SLC30A8: variants seen among roughly 807,000 people sequenced by gnomAD.
SLC30A8 encodes solute carrier family 30 member 8, also known as proton-coupled zinc antiporter SLC30A8.
A neutral mutation model predicts 36.9 loss-of-function variants in SLC30A8; 27 were observed. That is an observed-to-expected ratio of 0.73 (90% CI 0.54 to 1.01). The LOEUF is 1.01. SLC30A8 is among the 50% of genes least tolerant of loss of function. The pLI, the probability that SLC30A8 is intolerant of heterozygous loss-of-function variation, is 0.00. For synonymous variants in SLC30A8, 164 were observed against 172.4 expected (o/e 0.95, Z 0.38); for missense variants, 439 against 452.0 (o/e 0.97, Z 0.26).
At chr8:116,964,577 G>T (rs1814536322) in intron 1 of SLC30A8, among the ~76,000 whole-genome samples, 1 of 152,176 alleles carries the variant, frequency 6.6e-6, no homozygotes, top group Non-Finnish European at 1.5e-5. Context: ...CATCCTGGAT[G>T]GGAAGCTTTC....
chr8:117,078,485 T>A (rs923544996), intron 2 of SLC30A8, among the ~76,000 whole-genome samples: 2 of 152,248 alleles, frequency 1.3e-5, no homozygotes, highest in African/African-American at 4.8e-5. Context: ...TTTCTTTTTT[T>A]CCCCCATGTT....
At chr8:116,999,183 C>G (rs981609870) in intron 1 of SLC30A8, among the ~76,000 whole-genome samples, 3 of 152,166 alleles carry the variant, frequency 2.0e-5, no homozygotes, top group Non-Finnish European at 4.4e-5. Context: ...TGCTTGAATC[C>G]AGGAGGCAGA....
intron 3 of SLC30A8, among the ~76,000 whole-genome samples, chr8:117,155,229 T>G (rs1433835406): frequency 6.6e-6 from 1 of 152,244 alleles, no homozygotes; most frequent in East Asian, 1.9e-4. Flanking sequence ...TGTCTTAAGA[T>G]CTGACTCCTG....
At chr8:117,090,934 T>G (rs1280752926) in intron 2 of SLC30A8, among the ~76,000 whole-genome samples, 1 of 152,228 alleles carries the variant, frequency 6.6e-6, no homozygotes, top group Non-Finnish European at 1.5e-5. Context: ...AACACCCAGT[T>G]CAGTACCTGA....
chr8:117,081,867 CACA>C, intron 2 of SLC30A8, among the ~76,000 whole-genome samples: 1 of 152,306 alleles, frequency 6.6e-6, no homozygotes, highest in Non-Finnish European at 1.5e-5. Context: ...ATTGCCGATT[CACA>C]ACAATGGGTT....
At chr8:116,967,282 AGAGAG>A (rs1563726384) in intron 1 of SLC30A8, among the ~76,000 whole-genome samples, 1 of 152,254 alleles carries the variant, frequency 6.6e-6, no homozygotes, top group African/African-American at 2.4e-5. Context: ...ATGGAAGAGA[AGAGAG>A]GAGATAATAA....
chr8:117,160,447 G>T (rs2129651179), intron 4 of SLC30A8, among the ~76,000 whole-genome samples: 1 of 116,930 alleles, frequency 8.6e-6, no homozygotes, highest in Middle Eastern at 4.0e-3. Flanking sequence ...GCGCACATGT[G>T]CGCGCGGTGG....
At chr8:117,041,503 C>G (rs1359504354) in intron 2 of SLC30A8, among the ~76,000 whole-genome samples, 2 of 152,046 alleles carry the variant, frequency 1.3e-5, no homozygotes, top group Non-Finnish European at 2.9e-5. Flanking sequence ...GGCTGCTTAA[C>G]AGAGTGAAAC....
intron 1 of SLC30A8, among the ~76,000 whole-genome samples, chr8:116,957,151 C>T (rs1814239588): frequency 6.6e-6 from 1 of 152,154 alleles, no homozygotes; most frequent in Admixed American, 6.5e-5. Flanking sequence ...TCCTTCAACT[C>T]ATGGGAGTAG....
At chr8:117,088,075 GGA>G (rs1554582067) in intron 2 of SLC30A8, among the ~76,000 whole-genome samples, 2 of 151,828 alleles carry the variant, frequency 1.3e-5, no homozygotes, top group East Asian at 3.9e-4. Context: ...GACAAGGGAA[GGA>G]GAGAGAGAGA....
In SLC30A8 at chr8:117,011,327, G is replaced by A. The variant is rs114147676; in HGVS notation, c.-265-27892G>A. Reference sequence around the variant, plus strand: ...CTTGTAATCAGGAGTCTTGACCAACGTTTCATTTTTCAGGTTGTGTCCTCT... The same window carrying A: ...CTTGTAATCAGGAGTCTTGACCAACATTTCATTTTTCAGGTTGTGTCCTCT... On this transcript the variant is annotated intron_variant, in intron 1 of 10. Coordinates refer to the SLC30A8 transcript ENST00000427715. Among the ~76,000 whole-genome samples, 886 of 152,196 alleles carry A rather than the reference G, an allele frequency of 5.8e-3. 7 individuals are homozygous for A. The highest frequency in any genetic ancestry group is 0.02 in the African/African-American group (840 of 41,532).
intron 1 of SLC30A8, among the ~76,000 whole-genome samples, chr8:116,956,568 G>A (rs1814211809): frequency 6.6e-6 from 1 of 151,990 alleles, no homozygotes; most frequent in South Asian, 2.1e-4. Flanking sequence ...GGATTTAAAA[G>A]CATGTTAAAA....
Position 117,012,558 on chromosome 8 carries a change from A to G in SLC30A8, c.-265-26661A>G, listed in dbSNP as rs1463679013. ...AATCTAGAGATGATTTAAAGAGCAC[A>G]GTAGGATGTGTGTAGGTTATATGCA... On this transcript the variant is annotated intron_variant, in intron 1 of 10. Coordinates refer to the SLC30A8 transcript ENST00000427715. Among the ~76,000 whole-genome samples, 5 of 152,086 alleles carry G rather than the reference A, an allele frequency of 3.3e-5. No homozygotes were observed. The East Asian group carries it at 7.8e-4, about 24-fold the overall frequency.
chr8:117,051,210 A>G (rs1008977557), intron 2 of SLC30A8, among the ~76,000 whole-genome samples: 4 of 152,242 alleles, frequency 2.6e-5, no homozygotes, highest in African/African-American at 9.6e-5. Flanking sequence ...TTTTGTTAAA[A>G]TTGTACTGAC....
At chr8:116,995,737 G>A (rs1815792238) in intron 1 of SLC30A8, among the ~76,000 whole-genome samples, 1 of 151,992 alleles carries the variant, frequency 6.6e-6, no homozygotes, top group Non-Finnish European at 1.5e-5. Flanking sequence ...TCCTAATAAG[G>A]AAAAAGGAGC....
intron 2 of SLC30A8, among the ~76,000 whole-genome samples, chr8:117,073,859 C>T (rs1342885049): frequency 4.6e-5 from 7 of 152,094 alleles, no homozygotes; most frequent in African/African-American, 1.7e-4. Flanking sequence ...CCTAAGTTCC[C>T]CGTCAGCCCT....
At chr8:117,011,997 CCTT>C (rs2130706158) in intron 1 of SLC30A8, among the ~76,000 whole-genome samples, 1 of 152,154 alleles carries the variant, frequency 6.6e-6, no homozygotes, top group Non-Finnish European at 1.5e-5. Flanking sequence ...ATTTCGAGCT[CCTT>C]GAGGATAGAA....
chr8:116,985,284 T>TCACACA (rs1248530764), intron 1 of SLC30A8, among the ~76,000 whole-genome samples: 52 of 121,288 alleles, frequency 4.3e-4, no homozygotes, highest in African/African-American at 1.6e-3. Flanking sequence ...ATGTGCATGC[T>TCACACA]CACACACATA....
chr8:117,163,308 A>G, intron 5 of SLC30A8, 117 bp from the exon 6 acceptor site: 2 of 720,954 alleles, frequency 2.8e-6, no homozygotes, highest in Non-Finnish European at 4.5e-6. Flanking sequence ...ACATGTCAAA[A>G]GGGTAAATGA....
Sources: allele counts gnomAD v4.1 joint callset (sites outside exome capture counted in the v4.1 genomes callset), GRCh38; gene constraint gnomAD v4.1.1; transcripts MANE v1.5; gene names NCBI Gene and HGNC (gene_info 2026-07-23, HGNC 2026-07-21).